Variants in TTC7B observed in about 807,000 individuals in gnomAD.
TTC7B encodes tetratricopeptide repeat protein 7B.
Under a neutral mutation model 106.8 loss-of-function variants are expected in TTC7B, and 28 were observed. The observed-to-expected ratio is 0.26, with a 90% CI of 0.19 to 0.36. TTC7B has a LOEUF of 0.36. Ranked by LOEUF, TTC7B falls within the 10% of genes least tolerant of loss-of-function variation. The pLI is 1.00. For missense variants in TTC7B, 862 were observed against 1,076.4 expected (o/e 0.80, Z 2.79); for synonymous variants, 405 against 430.6 (o/e 0.94, Z 0.74).
intron 18 of TTC7B, among the ~76,000 whole-genome samples, chr14:90,583,507 T>C (rs1432737245): frequency 6.6e-6 from 1 of 152,126 alleles, no homozygotes; most frequent in African/African-American, 2.4e-5. Flanking sequence ...GTAAGCTTAT[T>C]AAGAGATACA....
At chr14:90,611,362 C>G (rs76026749) in intron 16 of TTC7B, among the ~76,000 whole-genome samples, 283 of 152,302 alleles carry the variant, frequency 1.9e-3, no homozygotes, top group Non-Finnish European at 3.3e-3. Context: ...CTGGGCTGAT[C>G]GACATTTTTC....
chr14:90,679,146 G>A (rs145190968), intron 8 of TTC7B, among the ~76,000 whole-genome samples: 1 of 152,160 alleles, frequency 6.6e-6, no homozygotes, highest in South Asian at 2.1e-4. Flanking sequence ...ACCACCCTAA[G>A]TTATCAGCTG....
chr14:90,532,686 C>A lies in TTC7B; in HGVS notation c.*8682G>T, dbSNP rs1889314460. 6.6e-6 allele frequency: 1 copy of A among 152,166 alleles called. No individual in the cohort carries two copies. Among genetic ancestry groups the A allele is most frequent in the Admixed American group, 6.5e-5 (1 of 15,276 alleles). The allele number at this position is 152,166 out of a possible 1,614,324, so 9.4% of individuals were successfully genotyped here. On this transcript the variant is annotated 3_prime_UTR_variant, in exon 20 of 20. Transcript: ENST00000328459. ...ACCCCTCTGTTTGGGGTCTGTCTTC[C>A]CAGTCCCCAATAAGACCACCAGCTC...
intron 8 of TTC7B, chr14:90,677,890 A>C (rs1183308735): frequency 2.1e-5 from 9 of 438,002 alleles, no homozygotes; most frequent in Non-Finnish European, 4.1e-5. Flanking sequence ...ACTTCCTACA[A>C]AGTGAGTCAT....
chr14:90,566,871 A>G (rs1890821581), intron 19 of TTC7B, among the ~76,000 whole-genome samples: 1 of 152,122 alleles, frequency 6.6e-6, no homozygotes. Context: ...GGTTTGTTCC[A>G]TTCTCTCCTT....
chr14:90,586,285 T>C (rs768325344), intron 18 of TTC7B, among the ~76,000 whole-genome samples: 7 of 152,206 alleles, frequency 4.6e-5, no homozygotes, highest in African/African-American at 7.2e-5. Flanking sequence ...TTTTTCTTTT[T>C]TCAAGGTGGA....
chr14:90,655,366 T>TG (rs1447833166), intron 11 of TTC7B, among the ~76,000 whole-genome samples: 1 of 152,228 alleles, frequency 6.6e-6, no homozygotes, highest in Non-Finnish European at 1.5e-5. Flanking sequence ...CTTTCATATT[T>TG]GGTGGGGGTC....
At position 90,527,907 on chromosome 14, in the gene TTC7B, G is replaced by T; in HGVS notation, c.*13461C>A. ...ATCACAAGCTAAAGGAAAATGGCGA[G>T]CCAGGTGTGGCGGCTCACGCCTGTA... On this transcript the variant is annotated 3_prime_UTR_variant, in exon 20 of 20. Coordinates refer to ENST00000328459, the MANE Select transcript of TTC7B (RefSeq NM_001010854.2). 6.6e-6 allele frequency: 1 copy of T among 151,936 alleles called. No individual in the cohort carries two copies. The allele number at this position is 151,936 out of a possible 1,614,324, so 9.4% of individuals were successfully genotyped here.
chr14:90,780,958 A>T (rs1433080576), intron 2 of TTC7B, 52 bp from the exon 3 acceptor site: 21 of 1,554,336 alleles, frequency 1.4e-5, no homozygotes, highest in Non-Finnish European at 1.8e-5. Flanking sequence ...ATCAGGCATG[A>T]TGCTCCCTCA....
intron 1 of TTC7B, among the ~76,000 whole-genome samples, chr14:90,811,707 G>A (rs1042959877): frequency 3.9e-4 from 59 of 152,156 alleles, no homozygotes; most frequent in African/African-American, 1.3e-3. Flanking sequence ...CCGTCACCAC[G>A]AGGTAATTAA....
chr14:90,724,938 C>A (rs1889033528), intron 5 of TTC7B, among the ~76,000 whole-genome samples: 1 of 152,180 alleles, frequency 6.6e-6, no homozygotes, highest in South Asian at 2.1e-4. Context: ...TTTTACAGAA[C>A]CATGTCATAA....
chr14:90,665,115 T>C (rs139505162), intron 9 of TTC7B, among the ~76,000 whole-genome samples: 7 of 152,246 alleles, frequency 4.6e-5, no homozygotes, highest in African/African-American at 1.7e-4. Flanking sequence ...TGCAGATCCC[T>C]GAGTCACCCA....
At chr14:90,753,772 T>C (rs1319667748) in intron 3 of TTC7B, among the ~76,000 whole-genome samples, 1 of 152,178 alleles carries the variant, frequency 6.6e-6, no homozygotes, top group Non-Finnish European at 1.5e-5. Context: ...CAGCATATCC[T>C]TCTTAGGAGG....
rs372521973 is a variant in TTC7B at position 90,805,085 on chromosome 14, G to A, written c.121+11090C>T. On this transcript the variant is annotated intron_variant, in intron 1 of 19. Transcript: ENST00000328459. The surrounding 1 kb of genome is among the most constrained non-coding windows in gnomAD (Gnocchi z 4.0). ...CCTGGAGATGACACCAACAGTCTTC[G>A]GCGTGGGACCAGGTCTCGGGTGGAC... is the stretch of plus-strand genomic sequence containing the variant. Among the ~76,000 whole-genome samples, 24 of 152,210 alleles carry A rather than the reference G, an allele frequency of 1.6e-4. No homozygotes were observed. Among genetic ancestry groups the A allele is most frequent in the African/African-American group, 5.8e-4 (24 of 41,554 alleles).
intron 18 of TTC7B, among the ~76,000 whole-genome samples, chr14:90,584,072 C>T (rs1346150931): frequency 1.3e-5 from 2 of 152,184 alleles, no homozygotes; most frequent in Non-Finnish European, 2.9e-5. Flanking sequence ...TGCCCTGTCA[C>T]AGTGAGCCGC....
intron 5 of TTC7B, among the ~76,000 whole-genome samples, chr14:90,703,892 G>A (rs1888100503): frequency 6.6e-6 from 1 of 152,232 alleles, no homozygotes; most frequent in South Asian, 2.1e-4. Context: ...ACCCGCTTGG[G>A]CCTGGGAAAG....
chr14:90,667,926 T>C (rs1374767371), intron 9 of TTC7B, among the ~76,000 whole-genome samples: 1 of 152,118 alleles, frequency 6.6e-6, no homozygotes, highest in African/African-American at 2.4e-5. Flanking sequence ...GGATAAAACA[T>C]AGATTTTATG....
chr14:90,666,637 CAA>C (rs754755186), intron 9 of TTC7B, among the ~76,000 whole-genome samples: 1 of 152,224 alleles, frequency 6.6e-6, no homozygotes, highest in Non-Finnish European at 1.5e-5. Context: ...AAAGCTTGCT[CAA>C]GTTTTCTCTC....
At chr14:90,615,728 G>T (rs554885503) in intron 16 of TTC7B, among the ~76,000 whole-genome samples, 2 of 152,272 alleles carry the variant, frequency 1.3e-5, no homozygotes, top group African/African-American at 4.8e-5. Flanking sequence ...TTTACATAAT[G>T]ATAAGGGCTA....
Sources: allele counts gnomAD v4.1 joint callset (sites outside exome capture counted in the v4.1 genomes callset), GRCh38; gene constraint gnomAD v4.1.1; non-coding constraint Gnocchi (gnomAD v3.1); transcripts MANE v1.5; gene names NCBI Gene and HGNC (gene_info 2026-07-23, HGNC 2026-07-21).